Variants in UNC13C observed in about 807,000 individuals in gnomAD.
UNC13C encodes unc-13 homolog C.
In UNC13C, 174 loss-of-function variants were observed where a neutral mutation model predicts 245.4. That is an observed-to-expected ratio of 0.71 (90% CI 0.63 to 0.80). The LOEUF is 0.80. UNC13C is among the 30% of genes least tolerant of loss of function. The pLI is 0.00. For missense variants in UNC13C, 2,829 were observed against 2,602.9 expected (o/e 1.09, Z -1.89); for synonymous variants, 992 against 895.1 (o/e 1.11, Z -1.93).
At chr15:54,502,831 T>C (rs1320068814) in intron 22 of UNC13C, among the ~76,000 whole-genome samples, 9 of 152,106 alleles carry the variant, frequency 5.9e-5, no homozygotes, top group Admixed American at 5.9e-4. Context: ...AGGTAGGTTA[T>C]GTAAGTTGGG....
intron 19 of UNC13C, among the ~76,000 whole-genome samples, chr15:54,493,005 C>G (rs1459357991): frequency 6.6e-6 from 1 of 152,118 alleles, no homozygotes; most frequent in East Asian, 1.9e-4. Context: ...TGTAAGATCC[C>G]AAGTGATAGA....
the UNC13C span, among the ~76,000 whole-genome samples, chr15:53,839,913 C>A: frequency 3.3e-5 from 5 of 152,088 alleles, no homozygotes; most frequent in Admixed American, 1.3e-4. Context: ...ACTCTTATCA[C>A]CAGTCTCTCA....
chr15:54,042,956 C>A (rs1342936882), intron 2 of UNC13C, among the ~76,000 whole-genome samples: 2 of 152,104 alleles, frequency 1.3e-5, no homozygotes. Context: ...GTCTATCACA[C>A]TTCTTGTCCT....
At chr15:53,930,888 A>T in the UNC13C span, among the ~76,000 whole-genome samples, 3 of 152,212 alleles carry the variant, frequency 2.0e-5, no homozygotes, top group African/African-American at 7.2e-5. Flanking sequence ...GCATGGAAAT[A>T]AAAGTAAGAT....
At chr15:54,098,390 G>C (rs1293643865) in intron 2 of UNC13C, among the ~76,000 whole-genome samples, 1 of 152,070 alleles carries the variant, frequency 6.6e-6, no homozygotes, top group Non-Finnish European at 1.5e-5. Flanking sequence ...GGCCAGGCTG[G>C]TCTCAAACTC....
At chr15:54,281,257 C>T (rs564836826) in intron 10 of UNC13C, among the ~76,000 whole-genome samples, 1 of 152,146 alleles carries the variant, frequency 6.6e-6, no homozygotes, top group Non-Finnish European at 1.5e-5. Context: ...GTTACTAGTG[C>T]AAAATGTTTA....
chr15:54,529,909 G>T (rs1895656741), intron 25 of UNC13C, among the ~76,000 whole-genome samples: 1 of 152,108 alleles, frequency 6.6e-6, no homozygotes, highest in Admixed American at 6.6e-5. Context: ...CATGAGAATA[G>T]CAGACAATAT....
intron 2 of UNC13C, among the ~76,000 whole-genome samples, chr15:54,091,805 C>T (rs1899589689): frequency 6.6e-6 from 1 of 151,970 alleles, no homozygotes; most frequent in South Asian, 2.1e-4. Flanking sequence ...TTTTGCTGCA[C>T]AGGACTTCAT....
chr15:54,325,226 T>C (rs1567188331), intron 14 of UNC13C, among the ~76,000 whole-genome samples: 1 of 151,972 alleles, frequency 6.6e-6, no homozygotes, highest in Non-Finnish European at 1.5e-5. Context: ...TAAAAAACTC[T>C]ATATGCAATT....
At chr15:54,416,370 A>G (rs2040521412) in intron 19 of UNC13C, among the ~76,000 whole-genome samples, 1 of 152,136 alleles carries the variant, frequency 6.6e-6, no homozygotes, top group Non-Finnish European at 1.5e-5. Context: ...AAGGTACTAG[A>G]TAGATCATAA....
At chr15:54,249,699 C>T (rs998941822) in intron 7 of UNC13C, among the ~76,000 whole-genome samples, 6 of 152,046 alleles carry the variant, frequency 3.9e-5, no homozygotes, top group Non-Finnish European at 7.4e-5. Context: ...GGGAGAGTGC[C>T]TCATTTGACC....
Position 54,622,901 on chromosome 15 carries a change from G to C in UNC13C, c.6199+482G>C, listed in dbSNP as rs894451206. On this transcript the variant is annotated intron_variant, in intron 31 of 32. Transcript: ENST00000260323. Reference sequence around the variant, plus strand: ...AGGATTAGCATTTTGTTAACAATACGCTCGTTCTATTTTTATATTAGTCAC... The same window carrying C: ...AGGATTAGCATTTTGTTAACAATACCCTCGTTCTATTTTTATATTAGTCAC... Among the ~76,000 whole-genome samples the C allele has an allele frequency of 4.6e-5, 7 of 151,934 alleles. No individual in the cohort carries two copies. In the South Asian group the frequency reaches 1.0e-3, roughly 23 times the overall value.
intron 2 of UNC13C, among the ~76,000 whole-genome samples, chr15:54,052,132 G>A: frequency 2.8e-5 from 3 of 107,638 alleles, no homozygotes; most frequent in African/African-American, 1.0e-4. Flanking sequence ...TGGTGTATAT[G>A]TGCCACATTT....
At chr15:54,383,383 T>C (rs2039769020) in intron 17 of UNC13C, among the ~76,000 whole-genome samples, 3 of 152,102 alleles carry the variant, frequency 2.0e-5, no homozygotes, top group Admixed American at 2.0e-4. Flanking sequence ...TAGTTCAACA[T>C]ATTCAGGTCA....
At chr15:54,101,839 C>T (rs1900182187) in intron 2 of UNC13C, among the ~76,000 whole-genome samples, 1 of 151,882 alleles carries the variant, frequency 6.6e-6, no homozygotes, top group African/African-American at 2.4e-5. Flanking sequence ...TCGCCTTGGC[C>T]TCCCAAAGTG....
At chr15:54,543,484 A>G (rs921810361) in intron 26 of UNC13C, among the ~76,000 whole-genome samples, 2 of 152,178 alleles carry the variant, frequency 1.3e-5, no homozygotes, top group African/African-American at 4.8e-5. Flanking sequence ...AAAACCCTTC[A>G]AAAAATCAGT....
At chr15:54,282,338 A>G (rs1596140607) in intron 10 of UNC13C, among the ~76,000 whole-genome samples, 1 of 152,182 alleles carries the variant, frequency 6.6e-6, no homozygotes, top group East Asian at 1.9e-4. Context: ...GATATTTCTC[A>G]GCCCCTTCGC....
In UNC13C at chr15:54,027,204, C is replaced by T. The variant is rs1028880270; in HGVS notation, c.2983+11318C>T. Among the ~76,000 whole-genome samples, 9 of 150,322 alleles carry T rather than the reference C, an allele frequency of 6.0e-5. No homozygotes were observed. In the South Asian group the frequency reaches 1.9e-3, roughly 32 times the overall value. On this transcript the variant is annotated intron_variant, in intron 2 of 32. Coordinates refer to ENST00000260323, the MANE Select transcript of UNC13C (RefSeq NM_001080534.3). ...AAAGAAAAAAAAAAAACAGGAAAAG[C>T]ATGTAAGAGAAATCTGGTGCAATAA...
intron 30 of UNC13C, among the ~76,000 whole-genome samples, chr15:54,587,320 C>T (rs1005550955): frequency 2.6e-5 from 4 of 152,240 alleles, no homozygotes; most frequent in South Asian, 2.1e-4. Flanking sequence ...TCACAAAACC[C>T]GTGAAACATT....
Sources: gnomAD v4.1 joint callset for allele counts (sites outside exome capture counted in the v4.1 genomes callset) on GRCh38, gnomAD v4.1.1 for gene constraint, MANE v1.5 for transcripts, NCBI Gene and HGNC (gene_info 2026-07-23, HGNC 2026-07-21) for gene names.